Variants in LDB2 observed in about 807,000 individuals in gnomAD.
LDB2 encodes the protein LIM domain binding 2.
A neutral mutation model predicts 44.3 loss-of-function variants in LDB2; 12 were observed. That is an observed-to-expected ratio of 0.27 (90% confidence interval 0.17 to 0.44). LDB2 has a LOEUF of 0.44. Among genes scored for constraint, LDB2 ranks in the 20% least tolerant of loss-of-function variants. LDB2 has a pLI of 1.00. For synonymous variants in LDB2, 164 were observed against 174.8 expected (o/e 0.94, Z 0.49); for missense variants, 344 against 473.5 (o/e 0.73, Z 2.54).
At chr4:16,800,008 T>C (rs1306580639) in intron 1 of LDB2, among the ~76,000 whole-genome samples, 1 of 152,174 alleles carries the variant, frequency 6.6e-6, no homozygotes, top group African/African-American at 2.4e-5. Flanking sequence ...AATGGTATTA[T>C]ATACCGAGGC....
intron 2 of LDB2, among the ~76,000 whole-genome samples, chr4:16,755,848 G>T (rs532407094): frequency 8.5e-5 from 13 of 152,194 alleles, no homozygotes; most frequent in African/African-American, 3.1e-4. Flanking sequence ...CAGGCAAGTG[G>T]CCTTAGGGAT....
At chr4:16,871,213 A>G (rs1716483612) in intron 1 of LDB2, among the ~76,000 whole-genome samples, 2 of 152,216 alleles carry the variant, frequency 1.3e-5, no homozygotes, top group South Asian at 4.1e-4. Flanking sequence ...CATGATGGAA[A>G]TACTGTATAA....
At chr4:16,519,613 C>T (rs546929494) in intron 5 of LDB2, among the ~76,000 whole-genome samples, 1 of 149,044 alleles carries the variant, frequency 6.7e-6, no homozygotes, top group Non-Finnish European at 1.5e-5. Context: ...GGTTCCAAAA[C>T]CTACACAGAG....
intron 2 of LDB2, among the ~76,000 whole-genome samples, chr4:16,725,786 A>G (rs911417163): frequency 6.6e-6 from 1 of 151,992 alleles, no homozygotes; most frequent in Admixed American, 6.6e-5. Context: ...AGCAAGTGAC[A>G]GTGGCTGACT....
At chr4:16,891,301 A>ATTTT (rs1276936562) in intron 1 of LDB2, among the ~76,000 whole-genome samples, 15 of 117,370 alleles carry the variant, frequency 1.3e-4, no homozygotes, top group Admixed American at 2.6e-4. Context: ...AATCTTAAGT[A>ATTTT]TTCTTTTTTT....
intron 3 of LDB2, among the ~76,000 whole-genome samples, chr4:16,592,970 A>C (rs866350350): frequency 2.6e-4 from 39 of 152,182 alleles, no homozygotes; most frequent in Admixed American, 1.1e-3. Context: ...TGATTAAAAA[A>C]CTGAAAACAT....
chr4:16,812,582 T>TATATATATATATA (rs1780080740), intron 1 of LDB2, among the ~76,000 whole-genome samples: 1 of 115,560 alleles, frequency 8.7e-6, no homozygotes, highest in African/African-American at 3.9e-5. Context: ...ATCAATGAAA[T>TATATATATATATA]TATATATATA....
At chr4:16,886,505 G>T (rs186052537) in intron 1 of LDB2, among the ~76,000 whole-genome samples, 2 of 152,226 alleles carry the variant, frequency 1.3e-5, no homozygotes, top group Admixed American at 1.3e-4. Context: ...CATGTTCACA[G>T]CAATTTTGTT....
chr4:16,775,774 C>T lies in LDB2; in HGVS notation c.133-16514G>A, dbSNP rs144927853. ...ACTGCAAACTCCTCAAGGGCAGGAT[C>T]GGTGTTTAATTTTTCCTGTACCCCT... On this transcript the variant is annotated intron_variant, in intron 1 of 7. Transcript: ENST00000304523. Among the ~76,000 whole-genome samples the T allele has an allele frequency of 3.3e-5, 5 of 152,208 alleles. No homozygotes were observed. In the East Asian group the frequency reaches 7.7e-4, roughly 24 times the overall value.
At chr4:16,894,547 G>A (rs1724363945) in intron 1 of LDB2, among the ~76,000 whole-genome samples, 1 of 152,110 alleles carries the variant, frequency 6.6e-6, no homozygotes, top group African/African-American at 2.4e-5. Flanking sequence ...GGTCCTGTTA[G>A]TACTTAGTCA....
intron 5 of LDB2, among the ~76,000 whole-genome samples, chr4:16,550,402 C>T (rs117699416): frequency 1.3e-5 from 2 of 152,256 alleles, no homozygotes; most frequent in East Asian, 3.9e-4. Context: ...TCTGTATTCC[C>T]AGTACCTAAA....
At chr4:16,825,726 C>T (rs140335468) in intron 1 of LDB2, among the ~76,000 whole-genome samples, 8 of 152,088 alleles carry the variant, frequency 5.3e-5, no homozygotes, top group African/African-American at 1.9e-4. Context: ...CAGAGCACGG[C>T]CTGGGAATTC....
chr4:16,791,371 A>G (rs551309468), intron 1 of LDB2, among the ~76,000 whole-genome samples: 162 of 152,080 alleles, frequency 1.1e-3, no homozygotes, highest in African/African-American at 3.9e-3. Flanking sequence ...CCTGGCCAAC[A>G]TGGTGAAACC....
intron 2 of LDB2, among the ~76,000 whole-genome samples, chr4:16,638,762 C>T (rs1426669096): frequency 6.6e-6 from 1 of 152,184 alleles, no homozygotes; most frequent in Non-Finnish European, 1.5e-5. Context: ...AGGCACCTCA[C>T]TCTTCCTGCT....
At chr4:16,543,294 G>C in intron 5 of LDB2, among the ~76,000 whole-genome samples, 1 of 152,124 alleles carries the variant, frequency 6.6e-6, no homozygotes, top group East Asian at 1.9e-4. Flanking sequence ...ACCCAGTAAT[G>C]GGATGGTTGG....
intron 2 of LDB2, among the ~76,000 whole-genome samples, chr4:16,755,535 GAGAGAGACAGACAGA>G (rs1766427779): frequency 5.2e-3 from 166 of 31,682 alleles, no homozygotes; most frequent in Non-Finnish European, 0.013. Flanking sequence ...ATGTGAGAGA[GAGAGAGACAGACAGA>G]CAGAGAGAGA....
chr4:16,506,511 C>T (rs1157410289), intron 7 of LDB2: 2 of 152,900 alleles, frequency 1.3e-5, no homozygotes, highest in Non-Finnish European at 2.9e-5. Flanking sequence ...GAAGCTATAT[C>T]CTCTTTCAAA....
chr4:16,857,914 C>T (rs1047894839), intron 1 of LDB2, among the ~76,000 whole-genome samples: 1 of 152,074 alleles, frequency 6.6e-6, no homozygotes, highest in African/African-American at 2.4e-5. Context: ...CCGTCCCTCC[C>T]TCCCTCCCCT....
At chr4:16,596,976 A>G (rs1721128447) in intron 2 of LDB2, among the ~76,000 whole-genome samples, 1 of 152,212 alleles carries the variant, frequency 6.6e-6, no homozygotes, top group Non-Finnish European at 1.5e-5. Flanking sequence ...TACATTCACT[A>G]TATAATACCC....
Sources: gnomAD v4.1 joint callset for allele counts (sites outside exome capture counted in the v4.1 genomes callset) on GRCh38, gnomAD v4.1.1 for gene constraint, MANE v1.5 for transcripts, NCBI Gene and HGNC (gene_info 2026-07-23, HGNC 2026-07-21) for gene names.